PRH1: variants seen among roughly 807,000 people sequenced by gnomAD.
PRH1 encodes salivary acidic proline-rich phosphoprotein 1/2.
A neutral mutation model predicts 7.9 loss-of-function variants in PRH1; 7 were observed. That is an observed-to-expected ratio of 0.89 (90% confidence interval 0.50 to 1.67). The LOEUF (loss-of-function observed/expected upper bound fraction) is 1.67. PRH1 is among the 40% of genes most tolerant of loss of function. The probability of loss-of-function intolerance (pLI) is 0.00; values close to 1 mark genes in which losing one functional copy is unlikely to be tolerated. For synonymous variants in PRH1, 45 were observed against 80.8 expected (o/e 0.56, Z 2.38); for missense variants, 109 against 223.6 (o/e 0.49, Z 3.27).
rs1168213822 is a variant in PRH1 at position 11,089,420 on chromosome 12, G to A, written n.124-42232C>T. On this transcript the variant is annotated intron_variant and non_coding_transcript_variant, in intron 1 of 4. Coordinates refer to the PRH1 transcript ENST00000541977. ...TGTGGTTTCCCCCTGTAGCCCTTCT[G>A]GAAAAAGTGCTGGAAGCCAAGTACA... is the stretch of plus-strand genomic sequence containing the variant. Among the ~76,000 whole-genome samples, 6 of 65,862 alleles carry A rather than the reference G, an allele frequency of 9.1e-5. 3 individuals are homozygous for A. The highest frequency in any genetic ancestry group is 1.6e-4 in the Non-Finnish European group (4 of 24,534). 43.2% of individuals were successfully genotyped at this position (65,862 alleles called of 152,430 possible). A position where few individuals can be genotyped will look rare whatever the true frequency, so the allele number is the denominator to read the frequency against.
In PRH1 at chr12:11,149,586, T is replaced by C. The variant is rs924528186; in HGVS notation, n.39+21836A>G. ...AATGGGGAAAGGATTCCCTATTTAA[T>C]AAATGGTGCTGGGAAAACTGGCTAG... On this transcript the variant is annotated intron_variant and non_coding_transcript_variant, in intron 1 of 1. Transcript: ENST00000541175. 6.4e-4 allele frequency among the ~76,000 whole-genome samples: 95 copies of C among 147,980 alleles called. 1 individual carries two copies. Among genetic ancestry groups the C allele is most frequent in the African/African-American group, 2.3e-3 (93 of 40,170 alleles).
intron 2 of PRH1, among the ~76,000 whole-genome samples, chr12:10,966,173 T>C (rs1354845022): frequency 1.3e-5 from 2 of 152,250 alleles, no homozygotes; most frequent in African/African-American, 4.8e-5. Context: ...ATATCTCTCA[T>C]ACTTAGACCC....
At position 11,170,711 on chromosome 12, in the gene PRH1, T is replaced by C. The variant is rs145217363; in HGVS notation, n.39+711A>G. On this transcript the variant is annotated intron_variant and non_coding_transcript_variant, in intron 1 of 1. Coordinates refer to the PRH1 transcript ENST00000541175. ...ACATGGCTGGGAATATAATTTTGTA[T>C]GTATGTCCTTATGTATATACGCGTG... 2.8e-3 allele frequency among the ~76,000 whole-genome samples: 432 copies of C among 152,368 alleles called. 4 individuals carry two copies. The highest frequency in any genetic ancestry group is 9.7e-3 in the African/African-American group (405 of 41,594).
intron 1 of PRH1, among the ~76,000 whole-genome samples, chr12:10,983,860 G>T (rs1939479657): frequency 6.6e-6 from 1 of 151,976 alleles, no homozygotes; most frequent in Non-Finnish European, 1.5e-5. Flanking sequence ...CACATGTCCT[G>T]GCCATTGCTG....
intron 1 of PRH1, among the ~76,000 whole-genome samples, chr12:11,130,470 G>C (rs1195106005): frequency 1.3e-5 from 2 of 152,118 alleles, no homozygotes; most frequent in Non-Finnish European, 2.9e-5. Context: ...TGAGAATATT[G>C]CTCTGACTCA....
chr12:10,973,645 T>C (rs751778460), intron 2 of PRH1: 5 of 778,282 alleles, frequency 6.4e-6, no homozygotes, highest in Non-Finnish European at 1.2e-5. Flanking sequence ...ACTTGATATG[T>C]AGAAGTTACC....
intron 1 of PRH1, among the ~76,000 whole-genome samples, chr12:11,064,924 C>A (rs1943748613): frequency 1.3e-5 from 2 of 151,978 alleles, no homozygotes; most frequent in African/African-American, 4.8e-5. Flanking sequence ...CATAAGGAAG[C>A]TACTCACAAG....
downstream of PRH1, among the ~76,000 whole-genome samples, chr12:11,116,318 C>G (rs189099083): frequency 2.6e-5 from 4 of 151,976 alleles, no homozygotes; most frequent in African/African-American, 7.2e-5. Flanking sequence ...CACATACAAC[C>G]TACAAAGATT....
intron 1 of PRH1, among the ~76,000 whole-genome samples, chr12:10,978,067 T>G (rs1482807626): frequency 7.1e-6 from 1 of 140,638 alleles, no homozygotes; most frequent in African/African-American, 2.6e-5. Flanking sequence ...TATTTTAAAG[T>G]TCATATGGAA....
intron 1 of PRH1, among the ~76,000 whole-genome samples, chr12:11,010,471 C>A (rs1218112140): frequency 6.6e-6 from 1 of 151,818 alleles, no homozygotes; most frequent in African/African-American, 2.4e-5. Context: ...TAGACAAACA[C>A]CCTCAGGTAA....
rs180875361 is a variant in PRH1, at chr12:11,071,172, A to G, written n.124-23984T>C. 4.1e-3 allele frequency among the ~76,000 whole-genome samples: 616 copies of G among 149,848 alleles called. 9 individuals are homozygous for G. The highest frequency in any genetic ancestry group is 0.014 in the African/African-American group (555 of 40,790). On this transcript the variant is annotated intron_variant and non_coding_transcript_variant, in intron 1 of 4. Coordinates refer to the PRH1 transcript ENST00000541977. ...GACAGTCAATTTGCAGACCAAACAC[A>G]CCCACCACAGAATTTTTACCTCCAG...
chr12:10,899,786 G>C (rs1384948556), intron 2 of PRH1, among the ~76,000 whole-genome samples: 2 of 152,004 alleles, frequency 1.3e-5, no homozygotes, highest in Non-Finnish European at 2.9e-5. Context: ...AACAGACCAA[G>C]AAATTGAGGA....
At chr12:11,035,742 T>C (rs1388702723) in intron 1 of PRH1, among the ~76,000 whole-genome samples, 1 of 152,176 alleles carries the variant, frequency 6.6e-6, no homozygotes, top group Non-Finnish European at 1.5e-5. Context: ...TAGTATCTTA[T>C]CTGTTGCTGG....
intron 2 of PRH1, among the ~76,000 whole-genome samples, chr12:10,950,319 G>A (rs1456819432): frequency 6.6e-6 from 1 of 152,020 alleles, no homozygotes; most frequent in African/African-American, 2.4e-5. Context: ...TCTTTCAATT[G>A]ATAATCCTAG....
chr12:11,156,561 G>A (rs978587858), intron 1 of PRH1, among the ~76,000 whole-genome samples: 2 of 152,008 alleles, frequency 1.3e-5, no homozygotes, highest in African/African-American at 4.8e-5. Flanking sequence ...GCTTCACTCT[G>A]TGTAGTTATC....
At chr12:10,896,938 A>T (rs1298814466) in intron 2 of PRH1, 1 of 152,158 alleles carries the variant, frequency 6.6e-6, no homozygotes, top group African/African-American at 2.4e-5. Flanking sequence ...AATCATGAAA[A>T]GCCATGCAGT....
intron 1 of PRH1, among the ~76,000 whole-genome samples, chr12:10,883,492 T>C (rs1436863075): frequency 6.6e-6 from 1 of 152,110 alleles, no homozygotes; most frequent in African/African-American, 2.4e-5. Context: ...TTAGTTAAAC[T>C]GCTCTGAGTA....
At chr12:11,050,475 T>G (rs1943097856), upstream of PRH1, among the ~76,000 whole-genome samples, 1 of 152,160 alleles carries the variant, frequency 6.6e-6, no homozygotes, top group Non-Finnish European at 1.5e-5. Flanking sequence ...CTCACAACCT[T>G]CAGCATGGGT....
At position 11,130,486 on chromosome 12, in the gene PRH1, G is replaced by A. The variant is rs571849887; in HGVS notation, n.40-9306C>T. 2.8e-5 allele frequency among the ~76,000 whole-genome samples: 4 copies of A among 144,474 alleles called. No individual in the cohort carries two copies. In the East Asian group the frequency reaches 6.2e-4, roughly 23 times the overall value. 94.8% of individuals were successfully genotyped at this position (144,474 alleles called of 152,430 possible). A position where few individuals can be genotyped will look rare whatever the true frequency, so the allele number is the denominator to read the frequency against. On this transcript the variant is annotated intron_variant and non_coding_transcript_variant, in intron 1 of 1. Coordinates refer to the PRH1 transcript ENST00000541175. ...GAGAATATTGCTCTGACTCACGAAC[G>A]ATGTTTCTAAAGGCTACTGGTCTCA...
Sources: gnomAD v4.1 joint callset for allele counts (sites outside exome capture counted in the v4.1 genomes callset) on GRCh38, gnomAD v4.1.1 for gene constraint, MANE v1.5 for transcripts, NCBI Gene and HGNC (gene_info 2026-07-23, HGNC 2026-07-21) for gene names.